NEB: variants seen among roughly 807,000 people sequenced by gnomAD.
The protein encoded by NEB is nemaline myopathy type 2.
A neutral mutation model predicts 952.2 loss-of-function variants in NEB; 512 were observed. The observed-to-expected ratio is 0.54, with a 90% CI of 0.50 to 0.58. The LOEUF (loss-of-function observed/expected upper bound fraction) is 0.58. Ranked by LOEUF, NEB falls within the 20% of genes least tolerant of loss-of-function variation. The probability of loss-of-function intolerance (pLI) is 0.00; values close to 1 mark genes in which losing one functional copy is unlikely to be tolerated. For missense variants in NEB, 8,428 were observed against 9,231.1 expected, an observed-to-expected ratio of 0.91 and a Z score of 3.56; for synonymous variants, 2,900 against 3,149.8, an observed-to-expected ratio of 0.92 and a Z score of 2.66.
At chr2:151,499,170 GC>G in intron 169 of NEB, 127 bp downstream of exon 169, 1 of 520,996 alleles carries the variant, frequency 1.9e-6, no homozygotes, top group Non-Finnish European at 3.4e-6. Context: ...GGAAATGGCA[GC>G]ATTAAGTTGG....
In NEB at chr2:151,526,252, T is replaced by C. The variant is rs200011828; in HGVS notation, c.21956A>G (p.Lys7319Arg). 6.2e-6 allele frequency: 10 copies of C among 1,610,784 alleles called. No homozygotes were observed. The African/African-American group carries it at 1.2e-4, about 19-fold the overall frequency. ...TCCTCTTTCCTTGACATGTTTCTCT[T>C]TGTATTTCAGCTTCAGGGGCAGGAA... is the stretch of plus-strand genomic sequence containing the variant. ...NTLIESDLKY[K>R]EKHVKERGTC... Residue 7319 changes from lysine (K) to arginine (R), a missense_variant, in exon 149 of 182, where the codon AAA becomes AGA. This residue lies in a region of NEB where 3,374 missense variants were observed against 3,651.5 expected (regional missense o/e 0.92). Transcript: ENST00000397345.
At chr2:151,514,994 C>T (rs2076824252) in intron 157 of NEB, 66 bp from the exon 158 acceptor site, 6 of 1,006,384 alleles carry the variant, frequency 6.0e-6, no homozygotes, top group Admixed American at 2.5e-5. Context: ...CTCTCCATCT[C>T]AGGAAGAAAA....
rs1011134653 is a variant in NEB at position 151,579,242 on chromosome 2, T to C, written c.16704+96A>G. 4.1e-5 allele frequency: 32 copies of C among 787,930 alleles called. 2 individuals carry two copies. Among genetic ancestry groups the C allele is most frequent in the Middle Eastern group, 7.4e-4 (2 of 2,702 alleles). The allele number at this position is 787,930 out of a possible 1,614,324, so 48.8% of individuals were successfully genotyped here. ...TAATTCTGATAAAATAATAATAAAG[T>C]GGAGTGCCTACGTACAGAGAGTTGT... On this transcript the variant is annotated intron_variant, in intron 105 of 181. Transcript: ENST00000397345.
At chr2:151,687,177 A>T (rs1360834326) in intron 27 of NEB, among the ~76,000 whole-genome samples, 2 of 152,236 alleles carry the variant, frequency 1.3e-5, no homozygotes, top group Non-Finnish European at 2.9e-5. Context: ...ATATTCTATT[A>T]AATATTAATG....
intron 44 of NEB, among the ~76,000 whole-genome samples, 197 bp from the exon 45 acceptor site, chr2:151,664,056 G>T (rs1174813502): frequency 6.6e-6 from 1 of 151,628 alleles, no homozygotes. Flanking sequence ...TCCATGGAAA[G>T]AAAATAATCT....
In NEB at chr2:151,512,894, G is replaced by A; in HGVS notation, c.23242-57C>T. 4 of 1,202,718 alleles carry A rather than the reference G, an allele frequency of 3.3e-6. No individual in the cohort carries two copies. The South Asian group carries it at 5.2e-5, about 16-fold the overall frequency. 74.5% of individuals were successfully genotyped at this position (1,202,718 alleles called of 1,614,324 possible). A position where few individuals can be genotyped will look rare whatever the true frequency, so the allele number is the denominator to read the frequency against. On this transcript the variant is annotated intron_variant, in intron 160 of 181. Transcript: ENST00000397345. ...GTTTGCAATGTGCACAACAGTTGTT[G>A]GCTTGATTTGATTAAGAGGTGAGCC...
chr2:151,505,759 G>A (rs1559332341), intron 164 of NEB, among the ~76,000 whole-genome samples, 189 bp from the exon 165 acceptor site: 1 of 152,142 alleles, frequency 6.6e-6, no homozygotes, highest in Admixed American at 6.6e-5. Flanking sequence ...CCAAGGACAG[G>A]GACGCTTTGT....
intron 47 of NEB, among the ~76,000 whole-genome samples, chr2:151,658,631 T>C (rs1455455045): frequency 6.6e-6 from 1 of 152,202 alleles, no homozygotes; most frequent in African/African-American, 2.4e-5. Context: ...ATTTGCACAT[T>C]CTTTGTTTTG....
At chr2:151,513,295 C>G (rs1399432925) in intron 160 of NEB, among the ~76,000 whole-genome samples, 3 of 152,124 alleles carry the variant, frequency 2.0e-5, no homozygotes, top group Admixed American at 6.5e-5. Context: ...GAAATAAGGC[C>G]AAGATGTCGA....
intron 72 of NEB, among the ~76,000 whole-genome samples, chr2:151,620,385 ATATATATT>A: frequency 7.6e-6 from 1 of 131,466 alleles, no homozygotes; most frequent in Admixed American, 8.0e-5. Context: ...ATATATATAT[ATATATATT>A]TAACCAGAAT....
intron 60 of NEB, 53 bp from the exon 61 acceptor site, chr2:151,640,719 A>G: frequency 1.9e-6 from 3 of 1,544,218 alleles, no homozygotes; most frequent in East Asian, 4.5e-5. Context: ...AGTAAAAAGC[A>G]ATCACTAAGC....
chr2:151,616,113 T>C lies in NEB; in HGVS notation c.11182-4A>G, dbSNP rs2154001899. The stretch of plus-strand genomic sequence containing the variant: ...CCAAAGCAAGTTTATAGAGTTTCTG[T>C]AGAAAAGAAAGTCATTACTCATTTA... On this transcript the variant is annotated splice_polypyrimidine_tract_variant and splice_region_variant and intron_variant, in intron 75 of 181. Coordinates refer to ENST00000397345, the MANE Select transcript of NEB (RefSeq NM_001164508.2). 3 of 1,600,230 alleles carry C rather than the reference T, an allele frequency of 1.9e-6. No individual in the cohort carries two copies. Among genetic ancestry groups the C allele is most frequent in the Non-Finnish European group, 2.6e-6 (3 of 1,169,776 alleles).
chr2:151,663,495 C>A, intron 45 of NEB, 53 bp downstream of exon 45: 1 of 1,508,468 alleles, frequency 6.6e-7, no homozygotes. Flanking sequence ...TATGGTCACT[C>A]ATGGTTGCTT....
chr2:151,498,577 G>GTTAT (rs1553557792), intron 169 of NEB, among the ~76,000 whole-genome samples: 1 of 152,102 alleles, frequency 6.6e-6, no homozygotes, highest in Non-Finnish European at 1.5e-5. Flanking sequence ...AAGAAAGGTT[G>GTTAT]TTATTTTCAT....
At chr2:151,513,472 T>G in intron 160 of NEB, 108 bp downstream of exon 160, 1 of 766,282 alleles carries the variant, frequency 1.3e-6, no homozygotes, top group Non-Finnish European at 2.1e-6. Flanking sequence ...AAGAATGCCA[T>G]TGTATGCATG....
intron 10 of NEB, among the ~76,000 whole-genome samples, chr2:151,715,034 C>G (rs940149334): frequency 6.6e-6 from 1 of 152,160 alleles, no homozygotes; most frequent in Non-Finnish European, 1.5e-5. Context: ...ATAATGTCAC[C>G]ATGGCCAAAT....
At chr2:151,635,804 A>G (rs2098750660) in intron 64 of NEB, among the ~76,000 whole-genome samples, 1 of 152,174 alleles carries the variant, frequency 6.6e-6, no homozygotes, top group African/African-American at 2.4e-5. Flanking sequence ...TTCAATAGCA[A>G]GCACCGCATG....
In NEB at chr2:151,627,196, T is replaced by G. The variant is rs779276694; in HGVS notation, c.10153A>C (p.Lys3385Gln). 1 of 1,613,820 alleles carries G rather than the reference T, an allele frequency of 6.2e-7. No individual in the cohort carries two copies. The highest frequency in any genetic ancestry group is 8.5e-7 in the Non-Finnish European group (1 of 1,179,754). ...AYDLQSDNIY[K>Q]SDLQWLRGIG... ...CCTCTCAGCCACTGGAGATCAGATT[T>G]GTAAATGTTCTGGAGAGATTAAACA... The change falls in exon 70 of 182, where the codon AAA (lysine) becomes CAA (glutamine). Residue 3385 changes from lysine to glutamine, a missense_variant. Physicochemically the swap from Lys to Gln is moderately conservative, Grantham distance 53. Transcript: ENST00000397345.
chr2:151,550,750 C>T (rs528820555), intron 129 of NEB, among the ~76,000 whole-genome samples: 1 of 152,180 alleles, frequency 6.6e-6, no homozygotes, highest in Admixed American at 6.5e-5. Flanking sequence ...GTAATCTTTT[C>T]ACCTCAACCT....
Sources: allele counts gnomAD v4.1 joint callset (sites outside exome capture counted in the v4.1 genomes callset), GRCh38; gene constraint gnomAD v4.1.1; regional missense constraint gnomAD v4.1.1; transcripts MANE v1.5; gene names NCBI Gene and HGNC (gene_info 2026-07-23, HGNC 2026-07-21).